MOXD1: variants seen among roughly 807,000 people sequenced by gnomAD.
The protein encoded by MOXD1 is monooxygenase DBH like 1.
Under a neutral mutation model 66.6 loss-of-function variants are expected in MOXD1, and 62 were observed. That is an observed-to-expected ratio of 0.93 (90% CI 0.76 to 1.15). The LOEUF is 1.15. Ranked by LOEUF, MOXD1 falls within the 50% of genes most tolerant of loss-of-function variation. The pLI is 0.00. For missense variants in MOXD1, 847 were observed against 754.6 expected (o/e 1.12, Z -1.44); for synonymous variants, 303 against 281.9 (o/e 1.07, Z -0.75).
intron 4 of MOXD1, among the ~76,000 whole-genome samples, chr6:132,358,078 T>G (rs957289384): frequency 6.6e-6 from 1 of 152,190 alleles, no homozygotes; most frequent in African/African-American, 2.4e-5. Context: ...ATATCTCCAT[T>G]TTGCCAATGG....
chr6:132,401,266 A>C lies in MOXD1; in HGVS notation c.161T>G (p.Val54Gly). ...RGSQIAFRLQVRTAGYVGFGF... is the reference protein window; with the variant it reads ...RGSQIAFRLQGRTAGYVGFGF... ...GAAGCCCACGTAGCCTGCAGTGCGC[A>C]CCTGGAGGCGGAAGGCGATCTGGCT... The change falls in exon 1 of 12, where the codon GTG becomes GGG. Residue 54 changes from valine (V) to glycine (G), a missense_variant. Coordinates refer to ENST00000367963, the MANE Select transcript of MOXD1 (RefSeq NM_015529.4). 6.3e-7 allele frequency: 1 copy of C among 1,596,960 alleles called. No individual in the cohort carries two copies. Among genetic ancestry groups the C allele is most frequent in the Admixed American group, 1.7e-5 (1 of 59,530 alleles).
At chr6:132,371,802 C>T (rs1372628659) in intron 4 of MOXD1, among the ~76,000 whole-genome samples, 3 of 152,140 alleles carry the variant, frequency 2.0e-5, no homozygotes, top group South Asian at 4.1e-4. Context: ...ATTACATAGT[C>T]TGGGAACTGA....
At chr6:132,374,541 T>A (rs538521712) in intron 2 of MOXD1, 90 bp downstream of exon 2, 1 of 1,102,774 alleles carries the variant, frequency 9.1e-7, no homozygotes, top group East Asian at 2.7e-5. Context: ...GAAAAAAGAC[T>A]ATATGACTTG....
intron 4 of MOXD1, among the ~76,000 whole-genome samples, chr6:132,348,436 G>T (rs1326578577): frequency 6.6e-6 from 1 of 152,130 alleles, no homozygotes; most frequent in African/African-American, 2.4e-5. Flanking sequence ...ATCAAGGTGG[G>T]TCCCAAGGAC....
chr6:132,376,178 T>C (rs2114667890), intron 1 of MOXD1, among the ~76,000 whole-genome samples: 1 of 152,364 alleles, frequency 6.6e-6, no homozygotes, highest in East Asian at 1.9e-4. Context: ...AGTTGTACAG[T>C]TGATTTAGAA....
chr6:132,386,430 A>AAC (rs1480511850), intron 1 of MOXD1, among the ~76,000 whole-genome samples: 1 of 113,834 alleles, frequency 8.8e-6, no homozygotes, highest in African/African-American at 3.5e-5. Flanking sequence ...AAACAAAACA[A>AAC]AACAAAAAAA....
intron 4 of MOXD1, among the ~76,000 whole-genome samples, chr6:132,349,571 C>T (rs1204863846): frequency 2.7e-5 from 4 of 146,910 alleles, no homozygotes; most frequent in South Asian, 2.2e-4. Context: ...CGAAATGTGC[C>T]GCTATAAACA....
intron 9 of MOXD1, among the ~76,000 whole-genome samples, 171 bp downstream of exon 9, chr6:132,320,458 G>A (rs1052691955): frequency 6.6e-6 from 1 of 152,084 alleles, no homozygotes; most frequent in African/African-American, 2.4e-5. Context: ...TTAATTTGAA[G>A]TCTTAGAAAA....
chr6:132,397,638 GAA>G (rs752094391), intron 1 of MOXD1, among the ~76,000 whole-genome samples: 40 of 28,382 alleles, frequency 1.4e-3, no homozygotes, highest in Admixed American at 0.013. Context: ...GAGAGAGACA[GAA>G]AGAAAGAAAG....
At chr6:132,362,198 A>T (rs905718960) in intron 4 of MOXD1, among the ~76,000 whole-genome samples, 2 of 152,162 alleles carry the variant, frequency 1.3e-5, no homozygotes, top group Non-Finnish European at 2.9e-5. Context: ...AAATTATCTG[A>T]ATTCCTTTCA....
At chr6:132,322,908 T>A (rs950897746) in intron 7 of MOXD1, 38 bp from the exon 8 acceptor site, 1 of 1,535,522 alleles carries the variant, frequency 6.5e-7, no homozygotes, top group Non-Finnish European at 8.8e-7. Flanking sequence ...TTAGCCCACA[T>A]TAATGCATGT....
chr6:132,313,773 G>C (rs904271541), intron 10 of MOXD1, among the ~76,000 whole-genome samples: 6 of 152,036 alleles, frequency 3.9e-5, no homozygotes, highest in Non-Finnish European at 5.9e-5. Context: ...ATATTAGCTG[G>C]GCGTGGTGGC....
chr6:132,346,800 C>T (rs1265269885), intron 4 of MOXD1, among the ~76,000 whole-genome samples: 1 of 152,136 alleles, frequency 6.6e-6, no homozygotes, highest in African/African-American at 2.4e-5. Flanking sequence ...ACAGTGCCAC[C>T]CATTCAAAAT....
At chr6:132,303,708 TACAC>T (rs1230084737) in intron 10 of MOXD1, among the ~76,000 whole-genome samples, 33 of 135,976 alleles carry the variant, frequency 2.4e-4, no homozygotes, top group East Asian at 6.5e-4. Context: ...ACTGTATACA[TACAC>T]ACACACACAC....
chr6:132,358,880 A>G (rs1775957509), intron 4 of MOXD1, among the ~76,000 whole-genome samples: 1 of 152,188 alleles, frequency 6.6e-6, no homozygotes, highest in Non-Finnish European at 1.5e-5. Context: ...ATTCCTTGAG[A>G]ACTTTCTTTA....
rs368639095 is a variant in MOXD1 at position 132,297,252 on chromosome 6, A to G, written c.1743T>C (p.Cys581=). The change falls in exon 12 of 12, where the codon TGT becomes TGC. Residue 581 remains cysteine, a synonymous_variant. Coordinates refer to ENST00000367963, the MANE Select transcript of MOXD1 (RefSeq NM_015529.4). ...GCAGGGAAGAGGAAGAAGACGTGCC[A>G]CACACCAAAGGTTCTGCTTTATAGG... ...ERPYKAEPLV[C]GTSSSSSLHR... 2 of 1,613,672 alleles carry G rather than the reference A, an allele frequency of 1.2e-6. No homozygotes were observed. The highest frequency in any genetic ancestry group is 1.7e-6 in the Non-Finnish European group (2 of 1,179,676).
chr6:132,310,784 G>A (rs1023765600), intron 10 of MOXD1, among the ~76,000 whole-genome samples: 16 of 152,134 alleles, frequency 1.1e-4, no homozygotes, highest in African/African-American at 3.9e-4. Context: ...CTCGTAAGTG[G>A]GAGTTGAACA....
At chr6:132,326,342 T>C (rs1326559057) in intron 6 of MOXD1, among the ~76,000 whole-genome samples, 1 of 151,928 alleles carries the variant, frequency 6.6e-6, no homozygotes. Context: ...TAAGCTTATG[T>C]TTCATTTTTA....
Position 132,324,023 on chromosome 6 carries a change from C to T in MOXD1, c.1021G>A (p.Ala341Thr). The change falls in exon 7 of 12, where the codon GCT becomes ACT. Residue 341 changes from alanine to threonine, a missense_variant. Coordinates refer to ENST00000367963, the MANE Select transcript of MOXD1 (RefSeq NM_015529.4). Reference protein sequence around the residue: ...IRKYDAGVIEAGLWVSLFHTI... With the variant: ...IRKYDAGVIETGLWVSLFHTI... ...TGGAAGAGGCTCACCCAGAGGCCAGCCTCAATCACCCCAGCATCATATTTC... is the reference window on the plus strand; with the variant it reads ...TGGAAGAGGCTCACCCAGAGGCCAGTCTCAATCACCCCAGCATCATATTTC... 1.2e-6 allele frequency: 2 copies of T among 1,613,912 alleles called. No individual in the cohort carries two copies. Among genetic ancestry groups the T allele is most frequent in the Non-Finnish European group, 8.5e-7 (1 of 1,179,882 alleles).
Sources: gnomAD v4.1 joint callset for allele counts (sites outside exome capture counted in the v4.1 genomes callset) on GRCh38, gnomAD v4.1.1 for gene constraint, MANE v1.5 for transcripts, NCBI Gene and HGNC (gene_info 2026-07-23, HGNC 2026-07-21) for gene names.